The following CDC42EP3 variants were observed in gnomAD, a reference collection of about 807,000 sequenced individuals.
CDC42EP3 encodes the protein CDC42 effector protein (Rho GTPase binding) 3.
Under a neutral mutation model 15.5 loss-of-function variants are expected in CDC42EP3, and 4 were observed. The ratio of observed to expected loss-of-function variants is 0.26; its 90% CI spans 0.13 to 0.59. CDC42EP3 has a LOEUF of 0.59. Among genes scored for constraint, CDC42EP3 ranks in the 20% least tolerant of loss-of-function variants. The probability of loss-of-function intolerance (pLI) is 0.89; values close to 1 mark genes in which losing one functional copy is unlikely to be tolerated. For missense variants in CDC42EP3, 309 were observed against 311.2 expected (o/e 0.99, Z 0.05); for synonymous variants, 145 against 130.3 (o/e 1.11, Z -0.77).
chr2:37,648,271 C>G (rs1038407718), intron 1 of CDC42EP3, among the ~76,000 whole-genome samples: 1 of 152,240 alleles, frequency 6.6e-6, no homozygotes, highest in African/African-American at 2.4e-5. Context: ...CTCAGGCGCT[C>G]CTCCCACTGG....
intron 1 of CDC42EP3, among the ~76,000 whole-genome samples, chr2:37,654,459 A>G (rs1186608156): frequency 6.6e-6 from 1 of 152,142 alleles, no homozygotes; most frequent in East Asian, 1.9e-4. Context: ...GAGGCCCTAG[A>G]GCTACCAAGC....
intron 1 of CDC42EP3, among the ~76,000 whole-genome samples, chr2:37,655,249 T>C (rs774866668): frequency 1.3e-5 from 2 of 152,222 alleles, no homozygotes; most frequent in Admixed American, 6.5e-5. Context: ...GTCTGATACA[T>C]CTCACCTTCC....
chr2:37,667,111 G>C (rs909413274), intron 1 of CDC42EP3, among the ~76,000 whole-genome samples: 4 of 152,068 alleles, frequency 2.6e-5, no homozygotes, highest in Non-Finnish European at 5.9e-5. Context: ...GGCAGGCCCT[G>C]TGGGTTTTCC....
intron 1 of CDC42EP3, among the ~76,000 whole-genome samples, chr2:37,651,107 G>A (rs1007151180): frequency 6.6e-6 from 1 of 152,010 alleles, no homozygotes; most frequent in South Asian, 2.1e-4. Context: ...CATCCGAGAA[G>A]AGCCCAAAGA....
intron 1 of CDC42EP3, among the ~76,000 whole-genome samples, chr2:37,669,238 A>AG (rs1187449279): frequency 2.7e-5 from 4 of 146,206 alleles, no homozygotes; most frequent in Non-Finnish European, 6.1e-5. Context: ...CTGGCTAAAA[A>AG]AAAAAAAAAA....
chr2:37,656,328 G>A (rs928928545), intron 1 of CDC42EP3, among the ~76,000 whole-genome samples: 5 of 152,206 alleles, frequency 3.3e-5, no homozygotes, highest in African/African-American at 7.2e-5. Context: ...GTGGGCATGA[G>A]CTTATTCATC....
chr2:37,669,350 T>A (rs1431133420), intron 1 of CDC42EP3, among the ~76,000 whole-genome samples: 2 of 152,130 alleles, frequency 1.3e-5, no homozygotes, highest in East Asian at 3.8e-4. Context: ...GTGAGCATGT[T>A]GGACATAAAA....
chr2:37,652,969 G>A (rs1260755431), intron 1 of CDC42EP3, among the ~76,000 whole-genome samples: 1 of 152,124 alleles, frequency 6.6e-6, no homozygotes, highest in African/African-American at 2.4e-5. Context: ...CAAAAACCTT[G>A]ACCCTGAAAT....
chr2:37,662,043 T>C (rs1041606040), intron 1 of CDC42EP3, among the ~76,000 whole-genome samples: 1 of 151,862 alleles, frequency 6.6e-6, no homozygotes, highest in Non-Finnish European at 1.5e-5. Flanking sequence ...TCTGTGATTC[T>C]ATTTGCAGAA....
intron 1 of CDC42EP3, among the ~76,000 whole-genome samples, chr2:37,661,545 T>G (rs1310493307): frequency 6.6e-6 from 1 of 152,128 alleles, no homozygotes; most frequent in Non-Finnish European, 1.5e-5. Context: ...CCCACAGGAA[T>G]GAACTGAATG....
At position 37,646,080 on chromosome 2, in the gene CDC42EP3, T is replaced by G; in HGVS notation, c.508A>C (p.Thr170Pro). ...GCAGAACCGCTGGAGCCCCACGAGGTGTCTCCCTGGTGGACTGTCCCATTC... is the reference window on the plus strand; with the variant it reads ...GCAGAACCGCTGGAGCCCCACGAGGGGTCTCCCTGGTGGACTGTCCCATTC... ...LENGTVHQGD[T>P]SWGSSGSASQ... Residue 170 changes from threonine (T) to proline (P), a missense_variant, in exon 2 of 2, where the codon ACC becomes CCC. Thr to Pro is a conservative substitution (Grantham distance 38, BLOSUM62 -1). Transcript: ENST00000295324. 5 of 1,614,148 alleles carry G rather than the reference T, an allele frequency of 3.1e-6. No homozygotes were observed. The highest frequency in any genetic ancestry group is 4.2e-6 in the Non-Finnish European group (5 of 1,180,016).
At chr2:37,649,443 C>A (rs1665592505) in intron 1 of CDC42EP3, among the ~76,000 whole-genome samples, 1 of 62,290 alleles carries the variant, frequency 1.6e-5, no homozygotes, top group Non-Finnish European at 2.7e-5. Context: ...AAGGCCTTGT[C>A]TCAAAAAAAA....
At chr2:37,660,333 T>A (rs1418760036) in intron 1 of CDC42EP3, among the ~76,000 whole-genome samples, 1 of 152,224 alleles carries the variant, frequency 6.6e-6, no homozygotes, top group South Asian at 2.1e-4. Flanking sequence ...GATTAGAAGT[T>A]AATTCCCCTG....
rs577178565 is a variant in CDC42EP3 at position 37,660,576 on chromosome 2, T to C, written c.-236+10850A>G. Reference sequence around the variant, plus strand: ...AATACAAACAATCTAACATTTTTTTTCTCCTAAATTCTCTGTTGACCCACT... The same window carrying C: ...AATACAAACAATCTAACATTTTTTTCCTCCTAAATTCTCTGTTGACCCACT... On this transcript the variant is annotated intron_variant, in intron 1 of 1. Coordinates refer to ENST00000295324, the MANE Select transcript of CDC42EP3 (RefSeq NM_006449.5). 2.6e-4 allele frequency among the ~76,000 whole-genome samples: 40 copies of C among 152,354 alleles called. No homozygotes were observed. In the South Asian group the frequency reaches 8.3e-3, roughly 32 times the overall value.
chr2:37,659,061 A>T (rs1039446352), intron 1 of CDC42EP3, among the ~76,000 whole-genome samples: 4 of 152,246 alleles, frequency 2.6e-5, no homozygotes, highest in Admixed American at 1.3e-4. Flanking sequence ...CTAAGCTCCC[A>T]TAGCGTCCTG....
chr2:37,670,463 C>T (rs920081873), intron 1 of CDC42EP3, among the ~76,000 whole-genome samples: 13 of 151,558 alleles, frequency 8.6e-5, no homozygotes, highest in Non-Finnish European at 5.9e-5. Context: ...TCCTGACATT[C>T]CTCATTTTAA....
intron 1 of CDC42EP3, among the ~76,000 whole-genome samples, chr2:37,656,598 C>T (rs1665854847): frequency 6.6e-6 from 1 of 152,202 alleles, no homozygotes; most frequent in South Asian, 2.1e-4. Flanking sequence ...TCAGAGCATA[C>T]CTCTTAGGAA....
chr2:37,667,007 G>T (rs1459708946), intron 1 of CDC42EP3, among the ~76,000 whole-genome samples: 2 of 152,162 alleles, frequency 1.3e-5, no homozygotes, highest in Admixed American at 1.3e-4. Context: ...ACTTCGGACT[G>T]TCCTTTCCAG....
chr2:37,659,619 A>C (rs989819172), intron 1 of CDC42EP3, among the ~76,000 whole-genome samples: 12 of 152,226 alleles, frequency 7.9e-5, no homozygotes, highest in African/African-American at 2.7e-4. Context: ...CAGTCCTCTG[A>C]ATTCAAACTC....
Sources: allele counts gnomAD v4.1 joint callset (sites outside exome capture counted in the v4.1 genomes callset), GRCh38; gene constraint gnomAD v4.1.1; transcripts MANE v1.5; gene names NCBI Gene and HGNC (gene_info 2026-07-23, HGNC 2026-07-21).